The following THSD7B variants were observed in gnomAD, a reference collection of about 807,000 sequenced individuals.
THSD7B encodes thrombospondin type-1 domain-containing protein 7B.
In THSD7B, 138 loss-of-function variants were observed where a neutral mutation model predicts 213.6. The observed-to-expected ratio is 0.65, with a 90% CI of 0.56 to 0.74. The LOEUF (loss-of-function observed/expected upper bound fraction) is 0.74, where lower values mean the gene tolerates loss of function less well. Ranked by LOEUF, THSD7B falls within the 30% of genes least tolerant of loss-of-function variation. The probability of loss-of-function intolerance (pLI) is 0.00; values close to 1 mark genes in which losing one functional copy is unlikely to be tolerated. For missense variants in THSD7B, 1,931 were observed against 1,991.5 expected, an observed-to-expected ratio of 0.97 and a Z score of 0.58; for synonymous variants, 742 against 687.0, an observed-to-expected ratio of 1.08 and a Z score of -1.25.
At chr2:136,776,597 G>A (rs544889673) in intron 1 of THSD7B, among the ~76,000 whole-genome samples, 1 of 152,256 alleles carries the variant, frequency 6.6e-6, no homozygotes, top group African/African-American at 2.4e-5. Context: ...GCAGAAAAAT[G>A]TACACAGGGA....
chr2:137,181,953 A>G (rs1680463781), intron 7 of THSD7B, among the ~76,000 whole-genome samples: 1 of 152,184 alleles, frequency 6.6e-6, no homozygotes, highest in Non-Finnish European at 1.5e-5. Context: ...GTTAGAATGG[A>G]TTAAGGAAAT....
intron 2 of THSD7B, among the ~76,000 whole-genome samples, chr2:136,992,950 T>C (rs1309087509): frequency 6.6e-6 from 1 of 152,224 alleles, no homozygotes; most frequent in Admixed American, 6.5e-5. Flanking sequence ...AGCTTTGCTC[T>C]CTTTTTGAGT....
chr2:137,645,218 G>A (rs897993615), intron 21 of THSD7B, among the ~76,000 whole-genome samples: 1 of 152,176 alleles, frequency 6.6e-6, no homozygotes, highest in Admixed American at 6.5e-5. Flanking sequence ...ATAGACATAA[G>A]TTAAGAGCTC....
chr2:137,518,811 G>A (rs1680123688), intron 15 of THSD7B, among the ~76,000 whole-genome samples: 1 of 152,166 alleles, frequency 6.6e-6, no homozygotes, highest in Non-Finnish European at 1.5e-5. Flanking sequence ...ACTCCTGAGT[G>A]CCCAATTTGC....
chr2:137,351,490 G>A (rs905249810), intron 12 of THSD7B, among the ~76,000 whole-genome samples: 1 of 151,874 alleles, frequency 6.6e-6, no homozygotes, highest in Admixed American at 6.6e-5. Context: ...GGCAGAGTAG[G>A]TTATCACTAG....
intron 15 of THSD7B, among the ~76,000 whole-genome samples, chr2:137,497,161 G>A (rs1397587595): frequency 6.6e-6 from 1 of 151,318 alleles, no homozygotes; most frequent in African/African-American, 2.4e-5. Context: ...GGCTTCTTAT[G>A]AATGAAATTC....
chr2:137,483,719 A>G (rs1473490424), intron 15 of THSD7B, among the ~76,000 whole-genome samples: 1 of 152,210 alleles, frequency 6.6e-6, no homozygotes, highest in Non-Finnish European at 1.5e-5. Flanking sequence ...TAACAAGTAG[A>G]AAATGGGAGG....
chr2:137,329,070 C>T (rs1684434225), intron 12 of THSD7B, among the ~76,000 whole-genome samples: 1 of 152,128 alleles, frequency 6.6e-6, no homozygotes, highest in Middle Eastern at 3.2e-3. Flanking sequence ...AACTTTGGAA[C>T]TGGGTAACAG....
chr2:137,038,038 T>A (rs910214094), intron 2 of THSD7B, among the ~76,000 whole-genome samples: 1 of 152,238 alleles, frequency 6.6e-6, no homozygotes, highest in Admixed American at 6.5e-5. Context: ...TTATTATTAC[T>A]ATTTACCTTG....
At chr2:137,553,679 A>AT (rs1178031103) in intron 15 of THSD7B, among the ~76,000 whole-genome samples, 4 of 152,012 alleles carry the variant, frequency 2.6e-5, no homozygotes, top group Non-Finnish European at 5.9e-5. Context: ...AAACCTTGTT[A>AT]TTTTTTCCCT....
At chr2:137,396,206 C>G (rs1031678413) in intron 12 of THSD7B, among the ~76,000 whole-genome samples, 1 of 140,820 alleles carries the variant, frequency 7.1e-6, no homozygotes, top group Non-Finnish European at 1.5e-5. Context: ...CTTCTGCTAG[C>G]TTTTGAATGT....
chr2:136,869,749 T>G (rs1237612081), intron 1 of THSD7B, among the ~76,000 whole-genome samples: 1 of 152,224 alleles, frequency 6.6e-6, no homozygotes, highest in African/African-American at 2.4e-5. Context: ...TTTGTTCATC[T>G]AAGACACTTG....
intron 10 of THSD7B, among the ~76,000 whole-genome samples, chr2:137,254,260 G>C (rs879283689): frequency 4.6e-5 from 7 of 152,180 alleles, no homozygotes; most frequent in Admixed American, 6.5e-5. Flanking sequence ...AGGAATGATA[G>C]ACTCTCTGCC....
At chr2:136,861,529 T>C (rs1683259016) in intron 1 of THSD7B, among the ~76,000 whole-genome samples, 1 of 152,124 alleles carries the variant, frequency 6.6e-6, no homozygotes. Flanking sequence ...AGTCACAGAG[T>C]ATGCCAGGAC....
intron 1 of THSD7B, among the ~76,000 whole-genome samples, chr2:136,819,302 ATCT>A (rs111493031): frequency 9.9e-5 from 15 of 152,204 alleles, no homozygotes; most frequent in African/African-American, 3.6e-4. Context: ...TGCTCATTAC[ATCT>A]TCTTCCTTTC....
chr2:137,449,241 G>T (rs898674097), intron 14 of THSD7B, among the ~76,000 whole-genome samples: 1 of 151,980 alleles, frequency 6.6e-6, no homozygotes, highest in African/African-American at 2.4e-5. Context: ...GTGGAATAGG[G>T]GACTTATTTA....
chr2:137,192,002 C>T (rs186518461), intron 7 of THSD7B, among the ~76,000 whole-genome samples: 3 of 152,114 alleles, frequency 2.0e-5, no homozygotes, highest in Admixed American at 2.0e-4. Flanking sequence ...GATGAATATA[C>T]CAATAACTGA....
intron 12 of THSD7B, among the ~76,000 whole-genome samples, chr2:137,389,402 A>ACTTTTTTTTTTTTTTTTTT (rs1685967896): frequency 2.6e-5 from 1 of 38,052 alleles, no homozygotes; most frequent in African/African-American, 1.2e-4. Context: ...TCTTAATGTG[A>ACTTTTTTTTTTTTTTTTTT]TTTTTTTTTT....
intron 15 of THSD7B, among the ~76,000 whole-genome samples, chr2:137,506,127 A>G (rs1044991565): frequency 6.6e-6 from 1 of 152,186 alleles, no homozygotes; most frequent in African/African-American, 2.4e-5. Flanking sequence ...GGCCAAGGCA[A>G]GGTGACCCAG....
Sources: gnomAD v4.1 joint callset for allele counts (sites outside exome capture counted in the v4.1 genomes callset) on GRCh38, gnomAD v4.1.1 for gene constraint, MANE v1.5 for transcripts, NCBI Gene and HGNC (gene_info 2026-07-23, HGNC 2026-07-21) for gene names.